PLEKHH1: variants seen among roughly 807,000 people sequenced by gnomAD.
The protein encoded by PLEKHH1 is pleckstrin homology domain-containing family H member 1.
Under a neutral mutation model 160.0 loss-of-function variants are expected in PLEKHH1, and 104 were observed. The ratio of observed to expected loss-of-function variants is 0.65; its 90% CI spans 0.55 to 0.76. The LOEUF is 0.76. Ranked by LOEUF, PLEKHH1 falls within the 30% of genes least tolerant of loss-of-function variation. The probability of loss-of-function intolerance (pLI) is 0.00; values close to 1 mark genes in which losing one functional copy is unlikely to be tolerated. For missense variants in PLEKHH1, 1,427 were observed against 1,724.1 expected (o/e 0.83, Z 3.05); for synonymous variants, 619 against 678.4 (o/e 0.91, Z 1.36).
Position 67,556,010 on chromosome 14 carries a change from T to C in PLEKHH1, c.189+123T>C, listed in dbSNP as rs1296861083. On this transcript the variant is annotated intron_variant, in intron 3 of 28. Coordinates refer to ENST00000329153, the MANE Select transcript of PLEKHH1 (RefSeq NM_020715.3). ...CAGTACTGTGTTATACCTGAACAAATGAGTGTGCGTGGAGCTTTCTGTGGG... is the reference window on the plus strand; with the variant it reads ...CAGTACTGTGTTATACCTGAACAAACGAGTGTGCGTGGAGCTTTCTGTGGG... The C allele has an allele frequency of 5.5e-6, 7 of 1,263,528 alleles. No individual in the cohort carries two copies. In the East Asian group the frequency reaches 1.8e-4, roughly 33 times the overall value. 78.3% of individuals were successfully genotyped at this position (1,263,528 alleles called of 1,614,324 possible). A position where few individuals can be genotyped will look rare whatever the true frequency, so the allele number is the denominator to read the frequency against.
chr14:67,538,394 G>A (rs562848718), intron 1 of PLEKHH1, among the ~76,000 whole-genome samples: 3 of 152,314 alleles, frequency 2.0e-5, no homozygotes, highest in East Asian at 1.9e-4. Flanking sequence ...AATTGTGTTC[G>A]TCCTCCATCT....
intron 5 of PLEKHH1, among the ~76,000 whole-genome samples, chr14:67,561,711 AT>A (rs1196420256): frequency 6.6e-6 from 1 of 151,900 alleles, no homozygotes; most frequent in East Asian, 1.9e-4. Flanking sequence ...CTACAAAAAA[AT>A]AAACGAAATT....
At chr14:67,536,514 C>T (rs1034165917) in intron 1 of PLEKHH1, among the ~76,000 whole-genome samples, 1 of 151,740 alleles carries the variant, frequency 6.6e-6, no homozygotes, top group Non-Finnish European at 1.5e-5. Flanking sequence ...ACAGAAGCCC[C>T]GTTGCCTTCC....
Position 67,569,177 on chromosome 14 carries a change from CTCTCAGATATG to C in PLEKHH1, c.1308_1318del (p.Asp437GlnfsTer3), listed in dbSNP as rs765623249. ...TGCTGTGGCCACATCGGGCATGCGGCTCTCAGATATGTCTCCCAGAAGTAATACTGCATGCT... is the reference window on the plus strand; with the variant it reads ...TGCTGTGGCCACATCGGGCATGCGGCTCTCCCAGAAGTAATACTGCATGCT... On this transcript the variant is annotated frameshift_variant, in exon 8 of 29. Coordinates refer to ENST00000329153, the MANE Select transcript of PLEKHH1 (RefSeq NM_020715.3). LOFTEE classifies it high-confidence loss of function. The C allele has an allele frequency of 6.2e-7, 1 of 1,613,200 alleles. No homozygotes were observed. The highest frequency in any genetic ancestry group is 1.7e-5 in the Admixed American group (1 of 60,018).
At chr14:67,536,087 G>A (rs140580156) in intron 1 of PLEKHH1, among the ~76,000 whole-genome samples, 1 of 152,230 alleles carries the variant, frequency 6.6e-6, no homozygotes, top group East Asian at 1.9e-4. Flanking sequence ...TCTCTTTGCT[G>A]TTTTTGTTCT....
chr14:67,550,455 T>C lies in PLEKHH1; in HGVS notation c.127-5370T>C, dbSNP rs1594751983. On this transcript the variant is annotated intron_variant, in intron 2 of 28. Coordinates refer to ENST00000329153, the MANE Select transcript of PLEKHH1 (RefSeq NM_020715.3). The stretch of plus-strand genomic sequence containing the variant: ...CCATCCGCCTCGGCCTCCCAAAGTG[T>C]TTGGATTACAGGCGTGCACCACCGC... 2.0e-5 allele frequency among the ~76,000 whole-genome samples: 3 copies of C among 152,308 alleles called. No homozygotes were observed. In the East Asian group the frequency reaches 5.8e-4, roughly 29 times the overall value.
intron 7 of PLEKHH1, among the ~76,000 whole-genome samples, chr14:67,567,318 G>T (rs2035150564): frequency 6.6e-6 from 1 of 152,156 alleles, no homozygotes; most frequent in Admixed American, 6.5e-5. Context: ...TTAGAGTTTG[G>T]AAAGCCCTTT....
rs1027933106 is a variant in PLEKHH1, at chr14:67,576,778, G to A, written c.2461+275G>A. Among the ~76,000 whole-genome samples the A allele has an allele frequency of 7.2e-5, 11 of 152,160 alleles. No individual in the cohort carries two copies. The highest frequency in any genetic ancestry group is 6.5e-4 in the Admixed American group (10 of 15,284). Reference sequence around the variant, plus strand: ...GGATCAAGCTGCCCCGTTGCTGGCTGGGCAGAGGGCTGAGGAAAGAAGGTA... The same window carrying A: ...GGATCAAGCTGCCCCGTTGCTGGCTAGGCAGAGGGCTGAGGAAAGAAGGTA... On this transcript the variant is annotated intron_variant, in intron 17 of 28. Transcript: ENST00000329153. The surrounding 1 kb of genome is among the most constrained non-coding windows in gnomAD (Gnocchi z 4.0).
At chr14:67,571,178 G>T (rs10138094) in intron 9 of PLEKHH1, 43,238 of 154,056 alleles carry the variant, frequency 0.28, 6,210 homozygotes, top group South Asian at 0.39. Context: ...TATATCTTTG[G>T]GAACTTATAT....
At chr14:67,585,478 T>C in intron 26 of PLEKHH1, 90 bp from the exon 27 acceptor site, 1 of 822,742 alleles carries the variant, frequency 1.2e-6, no homozygotes, top group Non-Finnish European at 2.0e-6. Context: ...GCTTAGCAGA[T>C]CCCTGGATGT....
In PLEKHH1 at chr14:67,579,310, A is replaced by G. The variant is rs982894795; in HGVS notation, c.3026A>G (p.His1009Arg). 7.9e-6 allele frequency: 12 copies of G among 1,518,364 alleles called. No individual in the cohort carries two copies. In the East Asian group the frequency reaches 2.4e-4, roughly 30 times the overall value. The allele number at this position is 1,518,364 out of a possible 1,614,324, so 94.1% of individuals were successfully genotyped here. A position where few individuals can be genotyped will look rare whatever the true frequency, so the allele number is the denominator to read the frequency against. ...GTGCACTTTACCAACGGGACTTACC[A>G]TGTGAGGAGCTGGGCGTGCTCTTTG... is the stretch of plus-strand genomic sequence containing the variant. ...IPVHFTNGTYHVVGFDGSSTV... is the reference protein window; with the variant it reads ...IPVHFTNGTYRVVGFDGSSTV... Residue 1009 changes from histidine (H) to arginine (R), a missense_variant and splice_region_variant, in exon 21 of 29, where the codon CAT becomes CGT. Coordinates refer to ENST00000329153, the MANE Select transcript of PLEKHH1 (RefSeq NM_020715.3).
chr14:67,570,318 G>A, intron 9 of PLEKHH1: 3 of 1,087,538 alleles, frequency 2.8e-6, no homozygotes, highest in Non-Finnish European at 3.4e-6. Flanking sequence ...GGGCAGTGGG[G>A]CTCCTTCTAG....
intron 7 of PLEKHH1, 69 bp downstream of exon 7, chr14:67,562,963 G>T (rs1220232148): frequency 6.8e-7 from 1 of 1,480,894 alleles, no homozygotes; most frequent in African/African-American, 1.4e-5. Flanking sequence ...GCTGAGCACA[G>T]CCATGCACTG....
intron 1 of PLEKHH1, among the ~76,000 whole-genome samples, chr14:67,534,271 C>T (rs549548281): frequency 6.6e-6 from 1 of 152,042 alleles, no homozygotes; most frequent in Admixed American, 6.6e-5. Flanking sequence ...AAGGAGGAAG[C>T]TGGGACTCTG....
Position 67,573,476 on chromosome 14 carries a change from G to T in PLEKHH1, c.1839+90G>T, listed in dbSNP as rs55856716. The T allele has an allele frequency of 0.19, 167,156 of 900,412 alleles. 16,305 individuals carry two copies. Among genetic ancestry groups the T allele is most frequent in the Middle Eastern group, 0.25 (766 of 3,112 alleles). The allele number at this position is 900,412 out of a possible 1,614,324, so 55.8% of individuals were successfully genotyped here. Reference sequence around the variant, plus strand: ...GATGGGACGGAGGAGGGGGAATGTGGCCCAAGGCCAGAGGGCAAAGGTCTG... The same window carrying T: ...GATGGGACGGAGGAGGGGGAATGTGTCCCAAGGCCAGAGGGCAAAGGTCTG... On this transcript the variant is annotated intron_variant, in intron 12 of 28. Transcript: ENST00000329153. The surrounding 1 kb of genome is among the most constrained non-coding windows in gnomAD (Gnocchi z 4.8).
chr14:67,571,840 C>G lies in PLEKHH1; in HGVS notation c.1523C>G (p.Ser508Trp). ...AGCTCTCAGGCGAGTTTCCGAATCT[C>G]GGTCCCCTCCTCTGAGTCCAGGAAG... Reference protein sequence around the residue: ...DCSSQASFRISVPSSESRKTS... With the variant: ...DCSSQASFRIWVPSSESRKTS... Residue 508 changes from serine to tryptophan, a missense_variant, in exon 10 of 29, where the codon TCG becomes TGG. Coordinates refer to ENST00000329153, the MANE Select transcript of PLEKHH1 (RefSeq NM_020715.3). 3.1e-6 allele frequency: 5 copies of G among 1,613,860 alleles called. No individual in the cohort carries two copies. The highest frequency in any genetic ancestry group is 3.4e-6 in the Non-Finnish European group (4 of 1,179,820).
Position 67,584,050 on chromosome 14 carries a change from C to T in PLEKHH1, c.3625C>T (p.Pro1209Ser). 2 of 1,613,864 alleles carry T rather than the reference C, an allele frequency of 1.2e-6. No homozygotes were observed. Among genetic ancestry groups the T allele is most frequent in the South Asian group, 1.1e-5 (1 of 91,090 alleles). The change falls in exon 26 of 29, where the codon CCT becomes TCT. Residue 1209 changes from proline (P) to serine (S), a missense_variant. Pro to Ser is a moderately conservative substitution (Grantham distance 74). Coordinates refer to ENST00000329153, the MANE Select transcript of PLEKHH1 (RefSeq NM_020715.3). Reference protein sequence around the residue: ...KWATLQGCSPPECIRIYLTVA... With the variant: ...KWATLQGCSPSECIRIYLTVA... ...GGCAACATTGCAAGGATGCTCCCCT[C>T]CTGAGTGCATCCGCATCTACCTGAC...
intron 2 of PLEKHH1, among the ~76,000 whole-genome samples, chr14:67,553,117 C>T (rs2034463733): frequency 6.6e-6 from 1 of 152,134 alleles, no homozygotes; most frequent in African/African-American, 2.4e-5. Context: ...AAGAGCAAGA[C>T]AAGTTTTTCC....
chr14:67,582,400 C>T lies in PLEKHH1; in HGVS notation c.3426+190C>T, dbSNP rs17249299. On this transcript the variant is annotated intron_variant, in intron 24 of 28. Transcript: ENST00000329153. This position sits in a 1 kb window ranked among gnomAD's most constrained non-coding sequence, Gnocchi z 5.0. ...CCTCACTCACCGCAGATATAGGATG[C>T]GTGCAGATGGCTGGACTTGGAATCC... The T allele has an allele frequency of 0.094, 87,790 of 935,248 alleles. 4,595 individuals carry two copies. Among genetic ancestry groups the T allele is most frequent in the Admixed American group, 0.19 (8,065 of 42,116 alleles). The allele number at this position is 935,248 out of a possible 1,614,324, so 57.9% of individuals were successfully genotyped here. A position where few individuals can be genotyped will look rare whatever the true frequency, so the allele number is the denominator to read the frequency against.
Sources: allele counts gnomAD v4.1 joint callset (sites outside exome capture counted in the v4.1 genomes callset), GRCh38; gene constraint gnomAD v4.1.1; non-coding constraint Gnocchi (gnomAD v3.1); transcripts MANE v1.5; gene names NCBI Gene and HGNC (gene_info 2026-07-23, HGNC 2026-07-21).